The following ADGRL2 variants were observed in gnomAD, a reference collection of about 807,000 sequenced individuals.
The protein encoded by ADGRL2 is adhesion G protein-coupled receptor L2.
ADGRL2 carries 44 observed loss-of-function variants against 157.4 expected under a neutral mutation model. The ratio of observed to expected loss-of-function variants is 0.28; its 90% CI spans 0.22 to 0.36. ADGRL2 has a LOEUF of 0.36. ADGRL2 is among the 10% of genes least tolerant of loss of function. ADGRL2 has a pLI of 1.00. For synonymous variants in ADGRL2, 585 were observed against 624.7 expected (o/e 0.94, Z 0.95); for missense variants, 1,510 against 1,768.9 (o/e 0.85, Z 2.63).
At chr1:81,622,491 G>A (rs1052612870) in intron 3 of ADGRL2, among the ~76,000 whole-genome samples, 1 of 152,234 alleles carries the variant, frequency 6.6e-6, no homozygotes, top group African/African-American at 2.4e-5. Flanking sequence ...TGAGGCAGGA[G>A]AATCGCTTGA....
chr1:81,681,805 T>C (rs1213632581), intron 3 of ADGRL2, among the ~76,000 whole-genome samples: 1 of 152,170 alleles, frequency 6.6e-6, no homozygotes, highest in Non-Finnish European at 1.5e-5. Context: ...TTTTATAAAA[T>C]GGATGATTCA....
rs562214536 is a variant in ADGRL2, at chr1:81,653,568, A to G, written c.-143+72588A>G. ...AAGGGACCTAAGATACAGCAGCAAT[A>G]TCCACAATGGGGTACATACCTACCA... On this transcript the variant is annotated intron_variant, in intron 3 of 24. Transcript: ENST00000370721. Among the ~76,000 whole-genome samples the G allele has an allele frequency of 4.6e-5, 7 of 152,336 alleles. No homozygotes were observed. In the East Asian group the frequency reaches 1.2e-3, roughly 25 times the overall value.
chr1:81,939,761 A>C (rs755860686), intron 4 of ADGRL2, among the ~76,000 whole-genome samples: 4 of 151,344 alleles, frequency 2.6e-5, no homozygotes, highest in Admixed American at 1.3e-4. Flanking sequence ...TGATTATATT[A>C]ATTTTATTGT....
chr1:81,557,261 C>G (rs1425248886), intron 2 of ADGRL2: 1 of 199,822 alleles, frequency 5.0e-6, no homozygotes, highest in Non-Finnish European at 1.2e-5. Context: ...TCAGCTTTAT[C>G]AAGTGCTTCT....
intron 1 of ADGRL2, chr1:81,722,725 G>T: frequency 2.1e-6 from 2 of 933,716 alleles, no homozygotes; most frequent in Non-Finnish European, 3.5e-6. Context: ...AAGAGCGAGA[G>T]ATCAAAGAAT....
At chr1:81,590,338 T>C (rs2081107597) in intron 3 of ADGRL2, among the ~76,000 whole-genome samples, 1 of 152,110 alleles carries the variant, frequency 6.6e-6, no homozygotes, top group Admixed American at 6.6e-5. Flanking sequence ...TGGTGACTCA[T>C]CTATCTTGCC....
chr1:81,379,618 C>A (rs1347036639), intron 1 of ADGRL2, among the ~76,000 whole-genome samples: 1 of 152,162 alleles, frequency 6.6e-6, no homozygotes, highest in Non-Finnish European at 1.5e-5. Flanking sequence ...CCTCCAACTG[C>A]CCCAGCCAAA....
At chr1:81,860,265 C>T (rs1321534616) in intron 2 of ADGRL2, among the ~76,000 whole-genome samples, 1 of 151,978 alleles carries the variant, frequency 6.6e-6, no homozygotes, top group Non-Finnish European at 1.5e-5. Context: ...GACTGGTATT[C>T]TATATTTTAA....
intron 1 of ADGRL2, among the ~76,000 whole-genome samples, chr1:81,390,649 T>G (rs1327261611): frequency 2.6e-5 from 4 of 152,420 alleles, no homozygotes; most frequent in East Asian, 1.9e-4. Flanking sequence ...TTTATGTAGT[T>G]TTTCATACAG....
At position 81,544,575 on chromosome 1, in the gene ADGRL2, T is replaced by C. The variant is rs908348673; in HGVS notation, c.-247-36301T>C. Reference sequence around the variant, plus strand: ...TCTAATTTTATCACTCCTTTCTCTGTACCTGAAATTAATTTTTTGCCAAGT... The same window carrying C: ...TCTAATTTTATCACTCCTTTCTCTGCACCTGAAATTAATTTTTTGCCAAGT... On this transcript the variant is annotated intron_variant, in intron 2 of 24. Coordinates refer to the ADGRL2 transcript ENST00000370721. 4.6e-5 allele frequency among the ~76,000 whole-genome samples: 7 copies of C among 152,306 alleles called. 1 individual carries two copies. In the South Asian group the frequency reaches 1.2e-3, roughly 27 times the overall value.
At chr1:81,799,519 A>C (rs2087772298), upstream of ADGRL2, among the ~76,000 whole-genome samples, 1 of 152,210 alleles carries the variant, frequency 6.6e-6, no homozygotes, top group Non-Finnish European at 1.5e-5. Flanking sequence ...AACAAACTTG[A>C]CCAGTAGTTG....
At chr1:81,747,446 G>C (rs866705070) in intron 1 of ADGRL2, among the ~76,000 whole-genome samples, 1 of 151,512 alleles carries the variant, frequency 6.6e-6, no homozygotes, top group Non-Finnish European at 1.5e-5. Flanking sequence ...GATTACAGGC[G>C]CATGCCGCCA....
chr1:81,507,461 T>C (rs1461508130), intron 2 of ADGRL2, among the ~76,000 whole-genome samples: 1 of 152,230 alleles, frequency 6.6e-6, no homozygotes, highest in African/African-American at 2.4e-5. Context: ...ACAAATTGTT[T>C]GCTCCTTGGC....
chr1:81,478,002 A>AT (rs2078307666), intron 2 of ADGRL2, among the ~76,000 whole-genome samples: 1 of 151,986 alleles, frequency 6.6e-6, no homozygotes, highest in South Asian at 2.1e-4. Context: ...TGAAGAGAGC[A>AT]TTTTTTGTAT....
rs772280788 is a variant in ADGRL2 at position 81,907,204 on chromosome 1, C to T, written c.261C>T (p.Pro87=). 30 of 1,613,766 alleles carry T rather than the reference C, an allele frequency of 1.9e-5. No individual in the cohort carries two copies. Among genetic ancestry groups the T allele is most frequent in the Admixed American group, 8.3e-5 (5 of 59,976 alleles). Reference sequence around the variant, plus strand: ...TGGAGAATACAGACTGCTACCTCCCCGATGCCTTCAAAATTATGACTCAAA... The same window carrying T: ...TGGAGAATACAGACTGCTACCTCCCTGATGCCTTCAAAATTATGACTCAAA... ...FQMENTDCYL[P]DAFKIMTQRC... Residue 87 remains proline, a synonymous_variant, in exon 3 of 24, where the codon CCC becomes CCT. Coordinates refer to ENST00000686636, the MANE Select transcript of ADGRL2 (RefSeq NM_001366006.2).
At chr1:81,900,655 C>G (rs1243447140) in intron 2 of ADGRL2, among the ~76,000 whole-genome samples, 1 of 152,208 alleles carries the variant, frequency 6.6e-6, no homozygotes, top group Admixed American at 6.5e-5. Context: ...AAACCATAAA[C>G]TTTCTGTGCA....
chr1:81,377,599 C>A (rs1044766112), intron 1 of ADGRL2, among the ~76,000 whole-genome samples: 1 of 152,076 alleles, frequency 6.6e-6, no homozygotes, highest in African/African-American at 2.4e-5. Context: ...CTCTGAGATT[C>A]CTGCAGGGGT....
At chr1:81,505,740 C>CAAAAAA (rs59062091) in intron 2 of ADGRL2, among the ~76,000 whole-genome samples, 3 of 85,078 alleles carry the variant, frequency 3.5e-5, no homozygotes, top group African/African-American at 4.2e-5. Context: ...TGTCCTCCTG[C>CAAAAAA]AAAAAAAAAA....
Position 81,992,028 on chromosome 1 carries a change from A to C in ADGRL2, c.*883A>C, listed in dbSNP as rs2149555145. 6.6e-6 allele frequency: 1 copy of C among 152,596 alleles called. No individual in the cohort carries two copies. 9.5% of individuals were successfully genotyped at this position (152,596 alleles called of 1,614,324 possible). On this transcript the variant is annotated 3_prime_UTR_variant, in exon 24 of 24. Coordinates refer to ENST00000686636, the MANE Select transcript of ADGRL2 (RefSeq NM_001366006.2). ...TCTTATTGCCAAAAGAACGTGTTTT[A>C]TGGGGAGAAACAAACTCTTTGAAGC...
Sources: gnomAD v4.1 joint callset for allele counts (sites outside exome capture counted in the v4.1 genomes callset) on GRCh38, gnomAD v4.1.1 for gene constraint, MANE v1.5 for transcripts, NCBI Gene and HGNC (gene_info 2026-07-23, HGNC 2026-07-21) for gene names.